The following AOAH variants were observed in gnomAD, a reference collection of about 807,000 sequenced individuals.
AOAH encodes acyloxyacyl hydrolase, also known as acyloxyacyl hydrolase (neutrophil).
AOAH carries 64 observed loss-of-function variants against 92.2 expected under a neutral mutation model. The observed-to-expected ratio is 0.69, with a 90% CI of 0.57 to 0.86. The LOEUF (loss-of-function observed/expected upper bound fraction) is 0.86, where lower values mean the gene tolerates loss of function less well. Ranked by LOEUF, AOAH falls within the 40% of genes least tolerant of loss-of-function variation. AOAH has a pLI of 0.00. For synonymous variants in AOAH, 263 were observed against 254.5 expected (o/e 1.03, Z -0.32); for missense variants, 656 against 694.6 (o/e 0.94, Z 0.62).
intron 3 of AOAH, among the ~76,000 whole-genome samples, chr7:36,664,263 CT>C (rs1349010259): frequency 6.6e-6 from 1 of 151,994 alleles, no homozygotes. Context: ...AAATTTATGT[CT>C]GTGATCCATT....
At chr7:36,714,900 C>T (rs1378854737) in intron 1 of AOAH, among the ~76,000 whole-genome samples, 2 of 152,172 alleles carry the variant, frequency 1.3e-5, no homozygotes, top group South Asian at 2.1e-4. Context: ...TGGAAGCATT[C>T]CCTTTGAAAA....
chr7:36,530,494 G>A lies in AOAH; in HGVS notation c.1446C>T (p.Asn482=). 6.2e-7 allele frequency: 1 copy of A among 1,612,840 alleles called. No homozygotes were observed. The highest frequency in any genetic ancestry group is 2.2e-5 in the East Asian group (1 of 44,870). Residue 482 remains asparagine, a synonymous_variant, in exon 19 of 21, where the codon AAC becomes AAT. Coordinates refer to ENST00000617537, the MANE Select transcript of AOAH (RefSeq NM_001637.4). ...CACTGGCTGCAATTTTTTTCAGTGTGTTGGAGAGTTGCTCTGCTCTCTGAA... is the reference window on the plus strand; with the variant it reads ...CACTGGCTGCAATTTTTTTCAGTGTATTGGAGAGTTGCTCTGCTCTCTGAA... ...LTSERAEQLS[N]TLKKIAASEK... is the part of the protein sequence containing the mutation.
rs529261307 is a variant in AOAH, at chr7:36,678,550, AGTGTGTGTGTGTGT to A, written c.224-4555_224-4542del. On this transcript the variant is annotated intron_variant, in intron 2 of 20. Transcript: ENST00000617537. The stretch of plus-strand genomic sequence containing the variant: ...TCATCTTCTTTCTGGTAAGATAAGC[AGTGTGTGTGTGTGT>A]GTGTGTGTGTGTGTGTGTGTGTGTG... 4.0e-3 allele frequency among the ~76,000 whole-genome samples: 474 copies of A among 118,924 alleles called. 7 individuals are homozygous for A. The highest frequency in any genetic ancestry group is 0.01 in the Middle Eastern group (2 of 192). 78.0% of individuals were successfully genotyped at this position (118,924 alleles called of 152,430 possible).
intron 11 of AOAH, among the ~76,000 whole-genome samples, chr7:36,599,272 C>T (rs1370115083): frequency 6.6e-6 from 1 of 152,022 alleles, no homozygotes; most frequent in African/African-American, 2.4e-5. Flanking sequence ...TATTTTAAGC[C>T]CTAATGTCAG....
intron 11 of AOAH, among the ~76,000 whole-genome samples, chr7:36,605,591 C>G (rs531077783): frequency 1.3e-5 from 2 of 152,308 alleles, no homozygotes; most frequent in South Asian, 4.1e-4. Flanking sequence ...AAATGCTTTT[C>G]AGAAGTATGG....
Position 36,576,643 on chromosome 7 carries a change from A to C in AOAH, c.952T>G (p.Ser318Ala), listed in dbSNP as rs1788521123. The C allele has an allele frequency of 6.4e-7, 1 of 1,554,244 alleles. No individual in the cohort carries two copies. The highest frequency in any genetic ancestry group is 1.8e-5 in the Admixed American group (1 of 55,988). Residue 318 changes from serine to alanine, a missense_variant, in exon 13 of 21, where the codon TCT becomes GCT. Ser to Ala is a moderately conservative substitution (Grantham distance 99). Coordinates refer to ENST00000617537, the MANE Select transcript of AOAH (RefSeq NM_001637.4). Reference sequence around the variant, plus strand: ...CTTTTCCATAAGCGAAGGTAAATAGATTTTTCTTTAATTCTGAAACAAATA... The same window carrying C: ...CTTTTCCATAAGCGAAGGTAAATAGCTTTTTCTTTAATTCTGAAACAAATA... ...LDSTVGIKEK[S>A]IYLRLWKRNH...
At chr7:36,710,459 C>T (rs1798694443) in intron 1 of AOAH, among the ~76,000 whole-genome samples, 3 of 152,214 alleles carry the variant, frequency 2.0e-5, no homozygotes, top group Admixed American at 2.0e-4. Context: ...CTGCCAACAA[C>T]CAGTGAACTT....
chr7:36,597,496 T>C (rs1790213533), intron 11 of AOAH, among the ~76,000 whole-genome samples: 1 of 152,220 alleles, frequency 6.6e-6, no homozygotes, highest in Admixed American at 6.5e-5. Context: ...ACTCACAAGA[T>C]ATGTTTAGCA....
chr7:36,588,613 A>G (rs1369860544), intron 12 of AOAH, among the ~76,000 whole-genome samples: 1 of 152,202 alleles, frequency 6.6e-6, no homozygotes, highest in African/African-American at 2.4e-5. Flanking sequence ...AGGTTAGCAA[A>G]TTTTAGCTGC....
chr7:36,654,768 T>C (rs1794778607), intron 4 of AOAH, among the ~76,000 whole-genome samples: 2 of 152,204 alleles, frequency 1.3e-5, no homozygotes, highest in Non-Finnish European at 2.9e-5. Context: ...AGTGGTTCCA[T>C]TCAATGTGAC....
chr7:36,546,517 C>G (rs1453770723), intron 15 of AOAH, among the ~76,000 whole-genome samples: 2 of 152,218 alleles, frequency 1.3e-5, no homozygotes, highest in African/African-American at 2.4e-5. Flanking sequence ...AGATCTCCAG[C>G]AGGGGAGAGG....
chr7:36,692,364 G>T (rs1041383550), intron 1 of AOAH, among the ~76,000 whole-genome samples: 12 of 152,164 alleles, frequency 7.9e-5, no homozygotes, highest in African/African-American at 2.9e-4. Flanking sequence ...CTTTCATAGG[G>T]CTGAATCTTC....
intron 15 of AOAH, among the ~76,000 whole-genome samples, chr7:36,544,266 AT>A (rs1351908614): frequency 1.3e-5 from 2 of 152,022 alleles, no homozygotes; most frequent in Admixed American, 1.3e-4. Flanking sequence ...TTTCAATGCC[AT>A]TTTGATCTGT....
chr7:36,706,804 A>G (rs1305874473), intron 1 of AOAH, among the ~76,000 whole-genome samples: 2 of 152,104 alleles, frequency 1.3e-5, no homozygotes, highest in African/African-American at 4.8e-5. Context: ...TAAACCTCAT[A>G]AACCAACCTC....
chr7:36,684,549 A>G (rs947967965), intron 2 of AOAH, among the ~76,000 whole-genome samples: 8 of 152,164 alleles, frequency 5.3e-5, no homozygotes, highest in African/African-American at 1.4e-4. Context: ...AATAATAGAT[A>G]AGAATATCAC....
intron 6 of AOAH, among the ~76,000 whole-genome samples, chr7:36,627,365 C>G (rs1353102343): frequency 6.6e-6 from 1 of 152,170 alleles, no homozygotes; most frequent in Admixed American, 6.5e-5. Flanking sequence ...GGAAAAGCCA[C>G]GGGAATTCTT....
rs182226995 is a variant in AOAH, at chr7:36,676,856, C to G, written c.224-2847G>C. Among the ~76,000 whole-genome samples the G allele has an allele frequency of 2.0e-5, 3 of 152,218 alleles. No homozygotes were observed. The East Asian group carries it at 5.8e-4, about 29-fold the overall frequency. On this transcript the variant is annotated intron_variant, in intron 2 of 20. Coordinates refer to ENST00000617537, the MANE Select transcript of AOAH (RefSeq NM_001637.4). ...CATTGGAGGAATTTAACAAATGGTG[C>G]TGGGACAACTGGACAGCCACAGGCA...
intron 5 of AOAH, among the ~76,000 whole-genome samples, chr7:36,632,321 C>T (rs551247471): frequency 3.9e-5 from 6 of 152,296 alleles, no homozygotes; most frequent in African/African-American, 1.2e-4. Context: ...CAGCCCGAAG[C>T]CTTCCCTCCT....
At chr7:36,592,390 A>G (rs1265458527) in intron 12 of AOAH, among the ~76,000 whole-genome samples, 1 of 152,106 alleles carries the variant, frequency 6.6e-6, no homozygotes, top group Non-Finnish European at 1.5e-5. Flanking sequence ...GTCTGTGCTT[A>G]TTGGGACCCT....
Sources: allele counts gnomAD v4.1 joint callset (sites outside exome capture counted in the v4.1 genomes callset), GRCh38; gene constraint gnomAD v4.1.1; transcripts MANE v1.5; gene names NCBI Gene and HGNC (gene_info 2026-07-23, HGNC 2026-07-21).